The following ATP10A variants were observed in gnomAD, a reference collection of about 807,000 sequenced individuals.
ATP10A encodes ATPase phospholipid transporting 10A (putative).
A neutral mutation model predicts 147.8 loss-of-function variants in ATP10A; 111 were observed. The ratio of observed to expected loss-of-function variants is 0.75; its 90% CI spans 0.64 to 0.88. The LOEUF is 0.88. Among genes scored for constraint, ATP10A ranks in the 40% least tolerant of loss-of-function variants. ATP10A has a pLI of 0.00. For synonymous variants in ATP10A, 875 were observed against 841.6 expected (o/e 1.04, Z -0.69); for missense variants, 1,927 against 1,959.0 (o/e 0.98, Z 0.31).
intron 1 of ATP10A, among the ~76,000 whole-genome samples, chr15:25,855,066 A>C (rs1365916385): frequency 1.3e-5 from 2 of 151,362 alleles, no homozygotes; most frequent in South Asian, 2.1e-4. Context: ...TCTCACAAAA[A>C]AAAAAAAAAA....
intron 2 of ATP10A, among the ~76,000 whole-genome samples, chr15:25,739,485 C>A (rs1051351299): frequency 4.6e-5 from 7 of 152,144 alleles, no homozygotes; most frequent in Admixed American, 2.6e-4. Flanking sequence ...GGCATTTGGA[C>A]TCGGATCTCC....
At position 25,679,842 on chromosome 15, in the gene ATP10A, G is replaced by A. The variant is rs1219121390; in HGVS notation, c.3999C>T (p.Asp1333=). 3 of 1,611,234 alleles carry A rather than the reference G, an allele frequency of 1.9e-6. No homozygotes were observed. Among genetic ancestry groups the A allele is most frequent in the South Asian group, 2.2e-5 (2 of 91,080 alleles). ...TCCCTGATGAGTGCTCGGTTCCCGAGTCCTTCGGGAGGCGTCCCTGAGCAA... is the reference window on the plus strand; with the variant it reads ...TCCCTGATGAGTGCTCGGTTCCCGAATCCTTCGGGAGGCGTCCCTGAGCAA... ...ETFAQGRLPK[D]SGTEHSSGRT... is the part of the protein sequence containing the mutation. Residue 1333 remains aspartate, a synonymous_variant, in exon 21 of 21, where the codon GAC becomes GAT. Coordinates refer to ENST00000555815, the MANE Select transcript of ATP10A (RefSeq NM_024490.4).
At position 25,679,233 on chromosome 15, in the gene ATP10A, T is replaced by C; in HGVS notation, c.*108A>G. On this transcript the variant is annotated 3_prime_UTR_variant, in exon 21 of 21. Coordinates refer to ENST00000555815, the MANE Select transcript of ATP10A (RefSeq NM_024490.4). Reference sequence around the variant, plus strand: ...GTACCTCTTGTTTCCTGTATTAGCCTGGGAAACATTTAGAAATACATCTCC... The same window carrying C: ...GTACCTCTTGTTTCCTGTATTAGCCCGGGAAACATTTAGAAATACATCTCC... 5 of 916,516 alleles carry C rather than the reference T, an allele frequency of 5.5e-6. No individual in the cohort carries two copies. Among genetic ancestry groups the C allele is most frequent in the Non-Finnish European group, 5.7e-6 (4 of 704,826 alleles). The allele number at this position is 916,516 out of a possible 1,614,324, so 56.8% of individuals were successfully genotyped here.
chr15:25,784,345 C>T (rs1022699667), intron 1 of ATP10A, among the ~76,000 whole-genome samples: 5 of 152,226 alleles, frequency 3.3e-5, no homozygotes, highest in African/African-American at 1.2e-4. Flanking sequence ...GGCACTGTCT[C>T]TGTTCAGTTT....
intron 13 of ATP10A, among the ~76,000 whole-genome samples, chr15:25,699,701 T>C (rs146424273): frequency 1.4e-4 from 22 of 152,100 alleles, no homozygotes; most frequent in Admixed American, 4.6e-4. Context: ...GCATCCCATC[T>C]CTTAAAAAAA....
At chr15:25,861,603 G>A (rs930225315) in intron 1 of ATP10A, among the ~76,000 whole-genome samples, 2 of 152,126 alleles carry the variant, frequency 1.3e-5, no homozygotes, top group Non-Finnish European at 2.9e-5. Context: ...CCTCTTTTAG[G>A]GGAACAATCT....
chr15:25,810,384 C>G (rs1278338083), intron 1 of ATP10A, among the ~76,000 whole-genome samples: 1 of 152,232 alleles, frequency 6.6e-6, no homozygotes, highest in Non-Finnish European at 1.5e-5. Context: ...GCTGTCACCA[C>G]TGCTTATCAG....
intron 1 of ATP10A, among the ~76,000 whole-genome samples, chr15:25,792,350 G>A (rs1382357192): frequency 6.6e-6 from 1 of 152,196 alleles, no homozygotes; most frequent in Non-Finnish European, 1.5e-5. Context: ...GCACACTGGG[G>A]AGGTCCTGCT....
chr15:25,788,913 C>T (rs138061518), intron 1 of ATP10A, among the ~76,000 whole-genome samples: 2 of 152,240 alleles, frequency 1.3e-5, no homozygotes, highest in African/African-American at 2.4e-5. Context: ...TAGAAAAATC[C>T]GGATGCTTTG....
At chr15:25,725,862 C>A (rs1902509419) in intron 5 of ATP10A, 89 bp downstream of exon 5, 1 of 1,428,086 alleles carries the variant, frequency 7.0e-7, no homozygotes, top group Admixed American at 2.0e-5. Flanking sequence ...AAGTGATCTG[C>A]CCGCCTCGGC....
rs569820130 is a variant in ATP10A at position 25,725,234 on chromosome 15, T to G, written c.979+717A>C. Among the ~76,000 whole-genome samples the G allele has an allele frequency of 2.6e-5, 4 of 152,258 alleles. No individual in the cohort carries two copies. The South Asian group carries it at 6.2e-4, about 24-fold the overall frequency. On this transcript the variant is annotated intron_variant, in intron 5 of 20. Coordinates refer to ENST00000555815, the MANE Select transcript of ATP10A (RefSeq NM_024490.4). Reference sequence around the variant, plus strand: ...GGTGCCTGATGATCTGAGGTGAAAGTTTCATCCCTAAACCATATCCTCTGC... The same window carrying G: ...GGTGCCTGATGATCTGAGGTGAAAGGTTCATCCCTAAACCATATCCTCTGC...
chr15:25,699,726 G>GA (rs1433290606), intron 13 of ATP10A, among the ~76,000 whole-genome samples: 6 of 152,044 alleles, frequency 3.9e-5, no homozygotes, highest in Non-Finnish European at 5.9e-5. Context: ...AAATTAGCCA[G>GA]GTATGCTTGT....
chr15:25,823,767 A>G (rs900149944), intron 1 of ATP10A, among the ~76,000 whole-genome samples: 5 of 152,264 alleles, frequency 3.3e-5, no homozygotes, highest in African/African-American at 1.2e-4. Context: ...TAGAGCTTTT[A>G]AAATAACCAT....
At position 25,814,441 on chromosome 15, in the gene ATP10A, G is replaced by GA. The variant is rs1438144428; in HGVS notation, c.450-33219dup. ...CAAAATCTGCGTGTACACAAGGAATGAAACTCACCAGAAATGGCAAAGATG... is the reference window on the plus strand; with the variant it reads ...CAAAATCTGCGTGTACACAAGGAATGAAAACTCACCAGAAATGGCAAAGATG... On this transcript the variant is annotated intron_variant, in intron 1 of 20. Transcript: ENST00000555815. Among the ~76,000 whole-genome samples, 8 of 152,218 alleles carry GA rather than the reference G, an allele frequency of 5.3e-5. 1 individual carries two copies. Among genetic ancestry groups the GA allele is most frequent in the Admixed American group, 5.2e-4 (8 of 15,288 alleles).
downstream of ATP10A, chr15:25,677,684 C>T (rs1899167113): frequency 6.6e-6 from 1 of 152,322 alleles, no homozygotes. Flanking sequence ...CGGCTGTCAC[C>T]TTCGGTCCGA....
At chr15:25,860,565 C>G (rs1414692889) in intron 1 of ATP10A, among the ~76,000 whole-genome samples, 1 of 152,118 alleles carries the variant, frequency 6.6e-6, no homozygotes, top group East Asian at 1.9e-4. Flanking sequence ...GTCCTCAAGG[C>G]AGCTGGGAAG....
At chr15:25,691,316 A>C (rs1010345298) in intron 15 of ATP10A, among the ~76,000 whole-genome samples, 5 of 152,194 alleles carry the variant, frequency 3.3e-5, no homozygotes, top group Non-Finnish European at 5.9e-5. Flanking sequence ...CCACCTGTAC[A>C]GTGACGCCAG....
intron 1 of ATP10A, among the ~76,000 whole-genome samples, chr15:25,849,532 G>A (rs905685756): frequency 2.6e-5 from 4 of 152,140 alleles, no homozygotes; most frequent in African/African-American, 4.8e-5. Context: ...GCATTATGAA[G>A]GAATTCCCAT....
At chr15:25,747,219 G>A (rs1479928825) in intron 2 of ATP10A, among the ~76,000 whole-genome samples, 3 of 149,410 alleles carry the variant, frequency 2.0e-5, no homozygotes, top group Non-Finnish European at 4.4e-5. Context: ...AACACGGGAG[G>A]CGGAGGTTAC....
Sources: allele counts gnomAD v4.1 joint callset (sites outside exome capture counted in the v4.1 genomes callset), GRCh38; gene constraint gnomAD v4.1.1; transcripts MANE v1.5; gene names NCBI Gene and HGNC (gene_info 2026-07-23, HGNC 2026-07-21).